GALNT13: variants seen among roughly 807,000 people sequenced by gnomAD.
GALNT13 encodes polypeptide N-acetylgalactosaminyltransferase 13.
Under a neutral mutation model 64.2 loss-of-function variants are expected in GALNT13, and 28 were observed. The ratio of observed to expected loss-of-function variants is 0.44; its 90% CI spans 0.32 to 0.60. GALNT13 has a LOEUF of 0.60. Among genes scored for constraint, GALNT13 ranks in the 20% least tolerant of loss-of-function variants. The pLI, the probability that GALNT13 is intolerant of heterozygous loss-of-function variation, is 0.05. For synonymous variants in GALNT13, 214 were observed against 224.6 expected, an observed-to-expected ratio of 0.95 and a Z score of 0.42; for missense variants, 577 against 669.8, an observed-to-expected ratio of 0.86 and a Z score of 1.53.
chr2:153,739,375 C>T, the GALNT13 span, among the ~76,000 whole-genome samples: 5 of 151,218 alleles, frequency 3.3e-5, no homozygotes, highest in African/African-American at 7.2e-5. Context: ...TTTTAGATTC[C>T]GTAAAAAATG....
At chr2:153,641,299 G>A in the GALNT13 span, among the ~76,000 whole-genome samples, 51 of 152,044 alleles carry the variant, frequency 3.4e-4, no homozygotes, top group African/African-American at 9.4e-4. Flanking sequence ...TGTTAGGTCC[G>A]TTAGAAATAT....
chr2:154,128,287 T>C lies in GALNT13; in HGVS notation c.143-12050T>C, dbSNP rs1682410466. 2.0e-5 allele frequency among the ~76,000 whole-genome samples: 3 copies of C among 152,232 alleles called. No homozygotes were observed. In the South Asian group the frequency reaches 6.2e-4, roughly 32 times the overall value. Reference sequence around the variant, plus strand: ...AGTGTTGACTTATTGTTTTGAATTTTTTAGTTCCTAGAATATTTAAATACT... The same window carrying C: ...AGTGTTGACTTATTGTTTTGAATTTCTTAGTTCCTAGAATATTTAAATACT... On this transcript the variant is annotated intron_variant, in intron 3 of 12. Coordinates refer to ENST00000392825, the MANE Select transcript of GALNT13 (RefSeq NM_052917.4).
At position 154,281,695 on chromosome 2, in the gene GALNT13, C is replaced by T. The variant is rs560623704; in HGVS notation, c.976-19714C>T. On this transcript the variant is annotated intron_variant, in intron 8 of 12. Transcript: ENST00000392825. ...TGTGATCAATACCACTTCACCATAC[C>T]TCTCACACACACCGGTTCATGCACA... Among the ~76,000 whole-genome samples, 50 of 152,066 alleles carry T rather than the reference C, an allele frequency of 3.3e-4. 1 individual carries two copies. The South Asian group carries it at 5.0e-3, about 15-fold the overall frequency.
chr2:154,085,794 C>A, intron 3 of GALNT13, among the ~76,000 whole-genome samples: 1 of 151,936 alleles, frequency 6.6e-6, no homozygotes, highest in South Asian at 2.1e-4. Flanking sequence ...AGGTCAGATA[C>A]AATAGCTCAC....
chr2:154,003,391 G>A (rs527433965), intron 3 of GALNT13, among the ~76,000 whole-genome samples: 22 of 152,222 alleles, frequency 1.4e-4, no homozygotes, highest in African/African-American at 2.9e-4. Context: ...AGACGTGGGC[G>A]TTTACCAGCT....
chr2:154,108,502 C>G (rs1702749939), intron 3 of GALNT13, among the ~76,000 whole-genome samples: 1 of 151,994 alleles, frequency 6.6e-6, no homozygotes, highest in South Asian at 2.1e-4. Context: ...TTAAATCCTT[C>G]TCAGATGTGT....
At chr2:153,503,441 T>TA in the GALNT13 span, among the ~76,000 whole-genome samples, 9 of 151,710 alleles carry the variant, frequency 5.9e-5, no homozygotes, top group Admixed American at 1.3e-4. Flanking sequence ...ATTTTTTTTT[T>TA]AAATAATTAA....
chr2:153,542,264 G>A, the GALNT13 span, among the ~76,000 whole-genome samples: 1 of 151,982 alleles, frequency 6.6e-6, no homozygotes, highest in Non-Finnish European at 1.5e-5. Context: ...AGGTTGCAGT[G>A]AGCTGAGATC....
At chr2:153,195,079 G>T in the GALNT13 span, among the ~76,000 whole-genome samples, 2 of 152,216 alleles carry the variant, frequency 1.3e-5, no homozygotes, top group Admixed American at 6.5e-5. Context: ...TTGGCTGTCA[G>T]TAGTGGCAGT....
At chr2:153,464,928 C>A in the GALNT13 span, among the ~76,000 whole-genome samples, 55 of 152,188 alleles carry the variant, frequency 3.6e-4, 2 homozygotes, top group East Asian at 0.011. Context: ...TAGTTACATA[C>A]TGGAAGATGC....
At chr2:153,299,624 T>C in the GALNT13 span, among the ~76,000 whole-genome samples, 2 of 152,182 alleles carry the variant, frequency 1.3e-5, no homozygotes, top group Non-Finnish European at 2.9e-5. Flanking sequence ...CCTTTTCCTC[T>C]TTCTCTTTGG....
chr2:153,905,831 C>G (rs2105303309), intron 2 of GALNT13, among the ~76,000 whole-genome samples: 2 of 151,948 alleles, frequency 1.3e-5, no homozygotes, highest in South Asian at 4.2e-4. Context: ...AATTTGGGTC[C>G]ATTATTAAGT....
chr2:153,499,947 G>T, the GALNT13 span, among the ~76,000 whole-genome samples: 1 of 152,032 alleles, frequency 6.6e-6, no homozygotes, highest in Non-Finnish European at 1.5e-5. Context: ...CTCCCAACTT[G>T]GAAGGGGCCA....
At chr2:153,293,630 T>C in the GALNT13 span, among the ~76,000 whole-genome samples, 1 of 152,194 alleles carries the variant, frequency 6.6e-6, no homozygotes, top group South Asian at 2.1e-4. Context: ...TGTTTTAAGC[T>C]GTTAAATTTG....
chr2:153,933,698 TAA>T (rs1690693075), intron 2 of GALNT13, among the ~76,000 whole-genome samples: 1 of 152,146 alleles, frequency 6.6e-6, no homozygotes, highest in South Asian at 2.1e-4. Flanking sequence ...GCTATTTATT[TAA>T]GTTTGTTTGT....
rs141603374 is a variant in GALNT13 at position 154,077,131 on chromosome 2, C to T, written c.143-63206C>T. On this transcript the variant is annotated intron_variant, in intron 3 of 12. Coordinates refer to ENST00000392825, the MANE Select transcript of GALNT13 (RefSeq NM_052917.4). ...AGTGAAAAGAAGCAAAACTTCTAGA[C>T]TTGAGCTTATATGCTTATTGTTTTG... Among the ~76,000 whole-genome samples, 394 of 151,712 alleles carry T rather than the reference C, an allele frequency of 2.6e-3. 1 individual carries two copies. The highest frequency in any genetic ancestry group is 9.0e-3 in the African/African-American group (374 of 41,504).
At chr2:153,903,927 C>T (rs1009759274) in intron 2 of GALNT13, among the ~76,000 whole-genome samples, 3 of 151,966 alleles carry the variant, frequency 2.0e-5, no homozygotes, top group Non-Finnish European at 4.4e-5. Flanking sequence ...ACCTCCTTTC[C>T]ATCAGTTTCC....
chr2:153,896,141 G>T (rs1427051821), intron 1 of GALNT13, among the ~76,000 whole-genome samples: 1 of 133,000 alleles, frequency 7.5e-6, no homozygotes, highest in East Asian at 2.1e-4. Context: ...AAAACTAATT[G>T]TATAAGGAAA....
chr2:153,325,965 T>C, the GALNT13 span, among the ~76,000 whole-genome samples: 2 of 152,168 alleles, frequency 1.3e-5, no homozygotes, highest in African/African-American at 2.4e-5. Context: ...GAGAAGAATG[T>C]ATATTCTGTT....
Sources: gnomAD v4.1 joint callset for allele counts (sites outside exome capture counted in the v4.1 genomes callset) on GRCh38, gnomAD v4.1.1 for gene constraint, MANE v1.5 for transcripts, NCBI Gene and HGNC (gene_info 2026-07-23, HGNC 2026-07-21) for gene names.